Variants in APP observed in about 807,000 individuals in gnomAD.
APP encodes the protein amyloid-beta precursor protein.
In APP, 31 loss-of-function variants were observed where a neutral mutation model predicts 101.4. The observed-to-expected ratio is 0.31, with a 90% confidence interval of 0.23 to 0.41. The LOEUF (loss-of-function observed/expected upper bound fraction) is 0.41. Among genes scored for constraint, APP ranks in the 10% least tolerant of loss-of-function variants. The pLI, the probability that APP is intolerant of heterozygous loss-of-function variation, is 1.00. For missense variants in APP, 839 were observed against 1,003.7 expected (o/e 0.84, Z 2.22); for synonymous variants, 366 against 364.4 (o/e 1.00, Z -0.05).
chr21:25,905,776 G>T (rs189978291), intron 14 of APP, among the ~76,000 whole-genome samples: 2 of 152,176 alleles, frequency 1.3e-5, no homozygotes, highest in East Asian at 1.9e-4. Context: ...TTCTGGGTCC[G>T]ACCCAAAGAA....
chr21:26,027,189 C>T (rs1225776084), intron 5 of APP, among the ~76,000 whole-genome samples: 1 of 152,080 alleles, frequency 6.6e-6, no homozygotes, highest in African/African-American at 2.4e-5. Context: ...GGAAGACAAC[C>T]AATGTCAGTT....
chr21:26,050,370 T>C (rs182204771), intron 5 of APP, among the ~76,000 whole-genome samples: 138 of 152,252 alleles, frequency 9.1e-4, no homozygotes, highest in African/African-American at 3.1e-3. Flanking sequence ...ATTTTATGAT[T>C]TGAATATAGA....
At chr21:25,944,039 C>A (rs1250358698) in intron 13 of APP, among the ~76,000 whole-genome samples, 2 of 151,902 alleles carry the variant, frequency 1.3e-5, no homozygotes, top group African/African-American at 2.4e-5. Context: ...TCAATGCCCC[C>A]CCCCAACCAA....
intron 1 of APP, among the ~76,000 whole-genome samples, chr21:26,129,335 G>T (rs2062746217): frequency 1.3e-5 from 2 of 152,182 alleles, no homozygotes; most frequent in South Asian, 4.1e-4. Flanking sequence ...GCCATGCGTG[G>T]TGGCAGCTGC....
rs541700517 is a variant in APP, at chr21:26,129,854, TGAAA to T, written c.58-17712_58-17709del. 2.5e-3 allele frequency among the ~76,000 whole-genome samples: 384 copies of T among 152,302 alleles called. 1 individual carries two copies. Among genetic ancestry groups the T allele is most frequent in the African/African-American group, 8.6e-3 (358 of 41,560 alleles). Reference sequence around the variant, plus strand: ...TCTAATTTTCCCATTTTCACACAAGTGAAAGAGAGTTCAGCCCAATTTCTGAATT... The same window carrying T: ...TCTAATTTTCCCATTTTCACACAAGTGAGAGTTCAGCCCAATTTCTGAATT... On this transcript the variant is annotated intron_variant, in intron 1 of 17. Coordinates refer to ENST00000346798, the MANE Select transcript of APP (RefSeq NM_000484.4).
intron 5 of APP, among the ~76,000 whole-genome samples, chr21:26,027,826 G>GCATTTCTTGGCAGAGGGTT (rs140330990): frequency 0.1 from 15,648 of 152,102 alleles, 1,258 homozygotes; most frequent in East Asian, 0.29. Context: ...GCAGCTAAAG[G>GCATTTCTTGGCAGAGGGTT]CATAAGCCCA....
chr21:26,014,687 G>T (rs2146744117), intron 6 of APP, among the ~76,000 whole-genome samples: 1 of 152,248 alleles, frequency 6.6e-6, no homozygotes, highest in Non-Finnish European at 1.5e-5. Flanking sequence ...TGCCATGTCT[G>T]GTACCTACAA....
chr21:26,090,884 C>T (rs564935578), intron 2 of APP, among the ~76,000 whole-genome samples: 2 of 152,150 alleles, frequency 1.3e-5, no homozygotes, highest in Non-Finnish European at 2.9e-5. Flanking sequence ...AAAATAAACT[C>T]ATGAATTCTC....
intron 6 of APP, among the ~76,000 whole-genome samples, chr21:26,001,066 T>C (rs992603400): frequency 9.2e-5 from 14 of 152,216 alleles, no homozygotes; most frequent in African/African-American, 3.4e-4. Context: ...TCTGTATTAT[T>C]TGTATATTTT....
chr21:26,036,153 A>G (rs533269559), intron 5 of APP, among the ~76,000 whole-genome samples: 1 of 152,094 alleles, frequency 6.6e-6, no homozygotes, highest in Admixed American at 6.5e-5. Flanking sequence ...GCGAGCCAGA[A>G]AGAAAAATAG....
At chr21:26,008,423 G>A (rs560641220) in intron 6 of APP, among the ~76,000 whole-genome samples, 9 of 152,240 alleles carry the variant, frequency 5.9e-5, no homozygotes, top group African/African-American at 1.7e-4. Flanking sequence ...CTCAAAACTC[G>A]GGATATCATG....
At chr21:26,119,705 C>T (rs1046738971) in intron 1 of APP, among the ~76,000 whole-genome samples, 2 of 151,842 alleles carry the variant, frequency 1.3e-5, no homozygotes, top group African/African-American at 4.8e-5. Flanking sequence ...CACACACACA[C>T]ATATACACAC....
At chr21:26,089,843 A>G (rs2061784139) in intron 3 of APP, 100 bp downstream of exon 3, 1 of 1,561,694 alleles carries the variant, frequency 6.4e-7, no homozygotes, top group Non-Finnish European at 8.8e-7. Context: ...CAATGTGCTG[A>G]AGAACAAGTC....
At chr21:26,140,810 A>G (rs1369059435) in intron 1 of APP, among the ~76,000 whole-genome samples, 2 of 152,244 alleles carry the variant, frequency 1.3e-5, no homozygotes, top group East Asian at 1.9e-4. Flanking sequence ...CAAATAAATT[A>G]TCTATTGAAA....
chr21:26,102,024 G>A (rs550091616), intron 2 of APP, among the ~76,000 whole-genome samples: 73 of 149,914 alleles, frequency 4.9e-4, no homozygotes, highest in African/African-American at 9.3e-4. Context: ...TAGAATTGAA[G>A]TACACTTCCT....
chr21:25,895,872 A>G (rs1040659431), intron 16 of APP, among the ~76,000 whole-genome samples: 9 of 152,214 alleles, frequency 5.9e-5, no homozygotes, highest in African/African-American at 1.7e-4. Context: ...TTAAGAAAAT[A>G]CTGTAATTTT....
chr21:26,114,926 G>A (rs1054655471), intron 1 of APP, among the ~76,000 whole-genome samples: 2 of 151,948 alleles, frequency 1.3e-5, no homozygotes, highest in African/African-American at 4.8e-5. Flanking sequence ...TGGCATATGT[G>A]TGTATGTTGA....
chr21:25,937,090 C>T (rs768925535), intron 13 of APP, among the ~76,000 whole-genome samples: 9 of 152,204 alleles, frequency 5.9e-5, no homozygotes, highest in Non-Finnish European at 5.9e-5. Flanking sequence ...CCATTTGCCA[C>T]GCAAGTTCCC....
intron 5 of APP, among the ~76,000 whole-genome samples, chr21:26,041,786 C>G (rs932075530): frequency 1.3e-5 from 2 of 152,036 alleles, no homozygotes; most frequent in Non-Finnish European, 2.9e-5. Flanking sequence ...AAGTGTTTTG[C>G]TTTTCTTTTT....
Sources: gnomAD v4.1 joint callset for allele counts (sites outside exome capture counted in the v4.1 genomes callset) on GRCh38, gnomAD v4.1.1 for gene constraint, MANE v1.5 for transcripts, NCBI Gene and HGNC (gene_info 2026-07-23, HGNC 2026-07-21) for gene names.